The following SLC25A21 variants were observed in gnomAD, a reference collection of about 807,000 sequenced individuals.
SLC25A21 encodes mitochondrial 2-oxodicarboxylate carrier.
Under a neutral mutation model 43.8 loss-of-function variants are expected in SLC25A21, and 47 were observed. The ratio of observed to expected loss-of-function variants is 1.07; its 90% CI spans 0.85 to 1.37. SLC25A21 has a LOEUF of 1.37. Among genes scored for constraint, SLC25A21 ranks in the 40% most tolerant of loss-of-function variants. SLC25A21 has a pLI of 0.00. For synonymous variants in SLC25A21, 131 were observed against 121.3 expected (o/e 1.08, Z -0.52); for missense variants, 352 against 350.2 (o/e 1.00, Z -0.04).
intron 1 of SLC25A21, among the ~76,000 whole-genome samples, chr14:37,126,147 T>C (rs1005588604): frequency 6.6e-6 from 1 of 152,156 alleles, no homozygotes; most frequent in Non-Finnish European, 1.5e-5. Flanking sequence ...CCTGCACATG[T>C]GCTATGTGTA....
intron 3 of SLC25A21, among the ~76,000 whole-genome samples, chr14:36,785,916 T>C (rs1349649811): frequency 6.6e-6 from 1 of 152,230 alleles, no homozygotes; most frequent in Non-Finnish European, 1.5e-5. Flanking sequence ...TCATGTGACC[T>C]GAGACCAGCT....
intron 1 of SLC25A21, among the ~76,000 whole-genome samples, chr14:37,070,156 C>T (rs1043836290): frequency 1.3e-5 from 2 of 152,108 alleles, no homozygotes; most frequent in Non-Finnish European, 2.9e-5. Context: ...TATTACCATC[C>T]TAATCGGACT....
At chr14:36,809,130 A>C (rs1216554946) in intron 3 of SLC25A21, 3 of 152,150 alleles carry the variant, frequency 2.0e-5, no homozygotes, top group Non-Finnish European at 4.4e-5. Flanking sequence ...AGTTTACAAA[A>C]CCAACGCTAT....
intron 6 of SLC25A21, among the ~76,000 whole-genome samples, chr14:36,724,547 G>A (rs1279508091): frequency 3.3e-5 from 5 of 152,200 alleles, no homozygotes; most frequent in Non-Finnish European, 5.9e-5. Flanking sequence ...GCTAAGAAGG[G>A]ACCTGGAATG....
intron 2 of SLC25A21, among the ~76,000 whole-genome samples, chr14:36,844,140 C>G (rs753767140): frequency 1.3e-5 from 2 of 152,198 alleles, no homozygotes; most frequent in Non-Finnish European, 2.9e-5. Context: ...CTTTAACACG[C>G]TACAGTACTA....
Position 37,172,487 on chromosome 14 carries a change from G to A in SLC25A21, c.-137C>T, listed in dbSNP as rs1964152492. ...GCTCCCTGTGGAGCAGCAATCCGGCGACTGCTGGAAAGCGAGGGTTCGAGG... is the reference window on the plus strand; with the variant it reads ...GCTCCCTGTGGAGCAGCAATCCGGCAACTGCTGGAAAGCGAGGGTTCGAGG... On this transcript the variant is annotated 5_prime_UTR_variant, in exon 1 of 10. Transcript: ENST00000331299. 1.1e-6 allele frequency: 1 copy of A among 905,960 alleles called. No homozygotes were observed. The highest frequency in any genetic ancestry group is 1.8e-6 in the Non-Finnish European group (1 of 559,358). The allele number at this position is 905,960 out of a possible 1,614,324, so 56.1% of individuals were successfully genotyped here.
intron 1 of SLC25A21, among the ~76,000 whole-genome samples, chr14:37,057,467 C>T (rs1479311822): frequency 6.6e-6 from 1 of 152,162 alleles, no homozygotes; most frequent in African/African-American, 2.4e-5. Context: ...AGTTTTCTAG[C>T]TCCCTTTTCA....
intron 2 of SLC25A21, among the ~76,000 whole-genome samples, chr14:36,825,698 T>C (rs1334419954): frequency 6.6e-6 from 1 of 152,224 alleles, no homozygotes; most frequent in African/African-American, 2.4e-5. Flanking sequence ...TAACTCTCTG[T>C]TCTACAAATT....
At chr14:37,104,522 G>T (rs1216614498) in intron 1 of SLC25A21, among the ~76,000 whole-genome samples, 2 of 152,070 alleles carry the variant, frequency 1.3e-5, no homozygotes, top group Non-Finnish European at 2.9e-5. Context: ...CCATTCCTTT[G>T]GCATTATTTT....
chr14:37,157,357 G>C (rs931606948), intron 1 of SLC25A21, among the ~76,000 whole-genome samples: 5 of 151,702 alleles, frequency 3.3e-5, no homozygotes, highest in African/African-American at 1.2e-4. Context: ...GCAAGACTCT[G>C]ACTCAAAAAG....
intron 3 of SLC25A21, among the ~76,000 whole-genome samples, chr14:36,759,488 G>A (rs1448630878): frequency 6.6e-6 from 1 of 152,160 alleles, no homozygotes; most frequent in Non-Finnish European, 1.5e-5. Context: ...CAGCAGACAA[G>A]CTCTAAATGT....
intron 1 of SLC25A21, among the ~76,000 whole-genome samples, chr14:36,963,631 C>A (rs1452846666): frequency 6.6e-6 from 1 of 152,166 alleles, no homozygotes; most frequent in Non-Finnish European, 1.5e-5. Flanking sequence ...CCGCTACAAC[C>A]TTTAACCCTA....
At chr14:36,872,234 A>C (rs1890394506) in intron 2 of SLC25A21, among the ~76,000 whole-genome samples, 1 of 152,184 alleles carries the variant, frequency 6.6e-6, no homozygotes, top group Non-Finnish European at 1.5e-5. Flanking sequence ...GAGTATGGCA[A>C]AATAAATGTG....
At chr14:36,934,794 T>C (rs115813120) in intron 1 of SLC25A21, among the ~76,000 whole-genome samples, 1,728 of 152,228 alleles carry the variant, frequency 0.011, 30 homozygotes, top group African/African-American at 0.039. Context: ...TGTCTTTTAT[T>C]CTCAAAACTT....
intron 2 of SLC25A21, among the ~76,000 whole-genome samples, chr14:36,831,838 G>C (rs1436436995): frequency 6.6e-6 from 1 of 152,162 alleles, no homozygotes; most frequent in African/African-American, 2.4e-5. Flanking sequence ...ATCGAAAATG[G>C]AGTCTACTGA....
intron 2 of SLC25A21, among the ~76,000 whole-genome samples, chr14:36,860,497 G>A (rs1890036165): frequency 1.3e-5 from 2 of 152,106 alleles, no homozygotes; most frequent in African/African-American, 2.4e-5. Context: ...CCTGTCTTTA[G>A]TGGGTGTGTC....
intron 3 of SLC25A21, among the ~76,000 whole-genome samples, chr14:36,789,858 TATATAAAAATATA>T (rs1461423246): frequency 8.3e-6 from 1 of 120,258 alleles, no homozygotes; most frequent in Non-Finnish European, 1.6e-5. Context: ...TTTATATATT[TATATAAAAATATA>T]TTATATATTT....
intron 3 of SLC25A21, chr14:36,806,676 T>C (rs1239284645): frequency 6.6e-6 from 1 of 152,156 alleles, no homozygotes; most frequent in Non-Finnish European, 1.5e-5. Context: ...AAGAAGAAAA[T>C]GTCTTCAGCC....
intron 1 of SLC25A21, among the ~76,000 whole-genome samples, chr14:37,155,091 G>C (rs982481416): frequency 3.4e-5 from 5 of 148,874 alleles, no homozygotes. Context: ...TTTTTTTTAA[G>C]ATGGAGTTTC....
Sources: gnomAD v4.1 joint callset for allele counts (sites outside exome capture counted in the v4.1 genomes callset) on GRCh38, gnomAD v4.1.1 for gene constraint, MANE v1.5 for transcripts, NCBI Gene and HGNC (gene_info 2026-07-23, HGNC 2026-07-21) for gene names.